Variants in SVIL observed in about 807,000 individuals in gnomAD.
SVIL encodes supervillin, also known as archvillin.
A neutral mutation model predicts 240.4 loss-of-function variants in SVIL; 101 were observed. That is an observed-to-expected ratio of 0.42 (90% confidence interval 0.36 to 0.50). The LOEUF (loss-of-function observed/expected upper bound fraction) is 0.50. SVIL is among the 20% of genes least tolerant of loss of function. SVIL has a pLI of 0.01. For missense variants in SVIL, 2,512 were observed against 2,818.7 expected, an observed-to-expected ratio of 0.89 and a Z score of 2.46; for synonymous variants, 999 against 1,100.0, an observed-to-expected ratio of 0.91 and a Z score of 1.82.
At chr10:29,613,172 C>CAAAA (rs549906216) in intron 1 of SVIL, among the ~76,000 whole-genome samples, 1 of 53,828 alleles carries the variant, frequency 1.9e-5, no homozygotes, top group Non-Finnish European at 3.6e-5. Context: ...GACTCCATCT[C>CAAAA]AAAAAAAAAA....
chr10:29,526,778 C>T (rs1416811521), intron 13 of SVIL, among the ~76,000 whole-genome samples, 183 bp downstream of exon 13: 1 of 152,210 alleles, frequency 6.6e-6, no homozygotes, highest in African/African-American at 2.4e-5. Flanking sequence ...TGTTTTCCCA[C>T]GCACGCCAGC....
Position 29,579,957 on chromosome 10 carries a change from T to G in SVIL, c.-200-10645A>C, listed in dbSNP as rs375599146. ...GTCTTCTCGGTGACTTATCCTCATA[T>G]GCAGATGAGAAAACCAGGATAGTGC... On this transcript the variant is annotated intron_variant, in intron 1 of 37. Coordinates refer to ENST00000355867, the MANE Select transcript of SVIL (RefSeq NM_021738.3). Among the ~76,000 whole-genome samples, 6 of 152,180 alleles carry G rather than the reference T, an allele frequency of 3.9e-5. No homozygotes were observed. The East Asian group carries it at 9.7e-4, about 25-fold the overall frequency.
At chr10:29,587,098 C>G (rs1488486402) in intron 1 of SVIL, among the ~76,000 whole-genome samples, 1 of 152,224 alleles carries the variant, frequency 6.6e-6, no homozygotes, top group Non-Finnish European at 1.5e-5. Flanking sequence ...AGCCCTGATA[C>G]AGAACTGAAC....
rs545347823 is a variant in SVIL at position 29,605,225 on chromosome 10, T to C, written c.-201+29195A>G. ...TACGCAGGGTCTGTGATTTACTTAG[T>C]CCTCTACGGATGGGCCTTAAGGTTT... On this transcript the variant is annotated intron_variant, in intron 1 of 37. Coordinates refer to ENST00000355867, the MANE Select transcript of SVIL (RefSeq NM_021738.3). Among the ~76,000 whole-genome samples, 4 of 152,356 alleles carry C rather than the reference T, an allele frequency of 2.6e-5. No homozygotes were observed. In the South Asian group the frequency reaches 8.3e-4, roughly 32 times the overall value.
intron 1 of SVIL, among the ~76,000 whole-genome samples, chr10:29,583,654 C>T (rs971096448): frequency 1.3e-5 from 2 of 152,142 alleles, no homozygotes; most frequent in African/African-American, 4.8e-5. Flanking sequence ...AGAACAGGTC[C>T]CCAGCCCCTT....
chr10:29,544,242 A>C (rs976688111), intron 6 of SVIL, among the ~76,000 whole-genome samples: 2 of 152,232 alleles, frequency 1.3e-5, no homozygotes, highest in Admixed American at 6.5e-5. Flanking sequence ...ATGGCTATTA[A>C]CTTTTGAATC....
At chr10:29,682,436 A>G (rs1960732822) in intron 2 of SVIL, among the ~76,000 whole-genome samples, 1 of 152,240 alleles carries the variant, frequency 6.6e-6, no homozygotes, top group Admixed American at 6.5e-5. Context: ...AGTTCCAGAC[A>G]CTGCTCTAGG....
intron 2 of SVIL, among the ~76,000 whole-genome samples, chr10:29,684,165 G>A (rs984191381): frequency 6.6e-6 from 1 of 152,144 alleles, no homozygotes; most frequent in Non-Finnish European, 1.5e-5. Context: ...ACCAACTCCA[G>A]TTCAGGGAGG....
At chr10:29,546,161 T>C (rs549407520) in intron 6 of SVIL, among the ~76,000 whole-genome samples, 19 of 152,304 alleles carry the variant, frequency 1.2e-4, no homozygotes, top group Non-Finnish European at 2.2e-4. Context: ...ATCTGAATAA[T>C]CCATAGGACC....
rs1958232771 is a variant in SVIL, at chr10:29,634,432, T to TA, written c.-214dup. ...ATTTTTCACTTACTTCAAATTTCTG[T>TA]ATAATCCTCGTTCCTCTAAGTTAAA... On this transcript the variant is annotated 5_prime_UTR_variant, in exon 1 of 38. Transcript: ENST00000355867. 6.6e-6 allele frequency: 1 copy of TA among 152,202 alleles called. No individual in the cohort carries two copies. The highest frequency in any genetic ancestry group is 1.5e-5 in the Non-Finnish European group (1 of 68,038). 9.4% of individuals were successfully genotyped at this position (152,202 alleles called of 1,614,324 possible). A position where few individuals can be genotyped will look rare whatever the true frequency, so the allele number is the denominator to read the frequency against.
intron 7 of SVIL, among the ~76,000 whole-genome samples, chr10:29,533,789 A>C (rs1951551370): frequency 1.3e-5 from 2 of 152,168 alleles, no homozygotes; most frequent in Admixed American, 1.3e-4. Flanking sequence ...CACCACCAGC[A>C]TGCATTAGGG....
intron 1 of SVIL, among the ~76,000 whole-genome samples, chr10:29,716,691 T>G (rs1227199016): frequency 6.6e-6 from 1 of 152,200 alleles, no homozygotes; most frequent in Non-Finnish European, 1.5e-5. Flanking sequence ...AAAAATTGTT[T>G]TAATGATTTT....
At chr10:29,529,868 C>A (rs368388915) in intron 11 of SVIL, 24 bp from the exon 12 acceptor site, 82 of 1,587,556 alleles carry the variant, frequency 5.2e-5, no homozygotes, top group Non-Finnish European at 6.4e-5. Flanking sequence ...TATTGTGGAA[C>A]CCTTATAAAT....
chr10:29,525,608 A>G (rs1950846720), intron 13 of SVIL, among the ~76,000 whole-genome samples: 1 of 152,200 alleles, frequency 6.6e-6, no homozygotes, highest in Non-Finnish European at 1.5e-5. Flanking sequence ...TCAAAAATAA[A>G]TGAATGAATA....
chr10:29,661,411 G>A (rs867871041), intron 2 of SVIL, among the ~76,000 whole-genome samples: 12 of 152,244 alleles, frequency 7.9e-5, no homozygotes, highest in Middle Eastern at 3.4e-3. Context: ...GAGTCAAACC[G>A]GAATAAAAGC....
rs535934585 is a variant in SVIL at position 29,622,206 on chromosome 10, C to T, written c.-201+12214G>A. On this transcript the variant is annotated intron_variant, in intron 1 of 37. Coordinates refer to ENST00000355867, the MANE Select transcript of SVIL (RefSeq NM_021738.3). ...CGGAGCTTGCAGTGAGCCGAGATCG[C>T]GCCACTGCACTCCAGCCTGGGCGAC... Among the ~76,000 whole-genome samples, 1,124 of 142,854 alleles carry T rather than the reference C, an allele frequency of 7.9e-3. 11 individuals are homozygous for T. The highest frequency in any genetic ancestry group is 0.023 in the African/African-American group (882 of 37,982). 93.7% of individuals were successfully genotyped at this position (142,854 alleles called of 152,430 possible). A position where few individuals can be genotyped will look rare whatever the true frequency, so the allele number is the denominator to read the frequency against.
At chr10:29,637,051 C>T (rs1958334354), upstream of SVIL, among the ~76,000 whole-genome samples, 1 of 152,182 alleles carries the variant, frequency 6.6e-6, no homozygotes, top group African/African-American at 2.4e-5. Flanking sequence ...TCCAGCTGTC[C>T]TCCCACTTCG....
At chr10:29,495,935 T>G in intron 18 of SVIL, among the ~76,000 whole-genome samples, 1 of 152,124 alleles carries the variant, frequency 6.6e-6, no homozygotes, top group Admixed American at 6.5e-5. Flanking sequence ...TGGAAGGCAT[T>G]GGAAAGAAAA....
At chr10:29,654,747 C>T (rs1958945989) in intron 3 of SVIL, among the ~76,000 whole-genome samples, 1 of 152,168 alleles carries the variant, frequency 6.6e-6, no homozygotes, top group South Asian at 2.1e-4. Context: ...GTCCAAAGGC[C>T]TCAGAATCAG....
Sources: allele counts gnomAD v4.1 joint callset (sites outside exome capture counted in the v4.1 genomes callset), GRCh38; gene constraint gnomAD v4.1.1; transcripts MANE v1.5; gene names NCBI Gene and HGNC (gene_info 2026-07-23, HGNC 2026-07-21).